The following CNTN4 variants were observed in gnomAD, a reference collection of about 807,000 sequenced individuals.
The protein encoded by CNTN4 is contactin-4.
In CNTN4, 77 loss-of-function variants were observed where a neutral mutation model predicts 122.5. The observed-to-expected ratio is 0.63, with a 90% CI of 0.52 to 0.76. CNTN4 has a LOEUF of 0.76. Among genes scored for constraint, CNTN4 ranks in the 30% least tolerant of loss-of-function variants. CNTN4 has a pLI of 0.00. For missense variants in CNTN4, 1,256 were observed against 1,259.1 expected (o/e 1.00, Z 0.04); for synonymous variants, 512 against 447.0 (o/e 1.15, Z -1.83).
intron 4 of CNTN4, among the ~76,000 whole-genome samples, chr3:2,647,345 C>T (rs1042815669): frequency 6.6e-6 from 1 of 152,034 alleles, no homozygotes; most frequent in Non-Finnish European, 1.5e-5. Context: ...TACACCATTG[C>T]ACTCCAGCCT....
intron 3 of CNTN4, among the ~76,000 whole-genome samples, chr3:2,392,040 G>C (rs1164625837): frequency 2.0e-5 from 3 of 152,096 alleles, no homozygotes; most frequent in Admixed American, 2.0e-4. Context: ...GATTAGAACT[G>C]AACCATCTCC....
In CNTN4 at chr3:2,276,361, A is replaced by G. The variant is rs549466430; in HGVS notation, c.-144-62817A>G. On this transcript the variant is annotated intron_variant, in intron 2 of 24. Coordinates refer to ENST00000418658, the MANE Select transcript of CNTN4 (RefSeq NM_175607.3). Reference sequence around the variant, plus strand: ...CTATTTTTTTGTATTTTTAGCAGAGAGAGGGTTTCACCACGTTGGCCAGGC... The same window carrying G: ...CTATTTTTTTGTATTTTTAGCAGAGGGAGGGTTTCACCACGTTGGCCAGGC... Among the ~76,000 whole-genome samples the G allele has an allele frequency of 2.0e-5, 3 of 152,074 alleles. No individual in the cohort carries two copies. The East Asian group carries it at 5.9e-4, about 30-fold the overall frequency.
intron 4 of CNTN4, among the ~76,000 whole-genome samples, chr3:2,685,323 T>C (rs746580362): frequency 4.4e-4 from 67 of 152,270 alleles, no homozygotes; most frequent in Non-Finnish European, 8.1e-4. Context: ...CACTTTCTAT[T>C]ACCTTCAATT....
intron 4 of CNTN4, among the ~76,000 whole-genome samples, chr3:2,577,497 G>C (rs1249611761): frequency 6.6e-6 from 1 of 152,170 alleles, no homozygotes; most frequent in East Asian, 1.9e-4. Context: ...TGTTGAGCAA[G>C]TCATTGTACC....
At chr3:2,659,158 A>G (rs936366150) in intron 4 of CNTN4, among the ~76,000 whole-genome samples, 7 of 152,110 alleles carry the variant, frequency 4.6e-5, no homozygotes, top group African/African-American at 1.7e-4. Flanking sequence ...AAATTCAGTA[A>G]GAACCTTCTT....
rs541905077 is a variant in CNTN4, at chr3:2,995,729, C to T, written c.1486+7257C>T. Among the ~76,000 whole-genome samples, 5 of 152,144 alleles carry T rather than the reference C, an allele frequency of 3.3e-5. 1 individual carries two copies. In the South Asian group the frequency reaches 1.0e-3, roughly 31 times the overall value. On this transcript the variant is annotated intron_variant, in intron 14 of 24. Transcript: ENST00000418658. Reference sequence around the variant, plus strand: ...ACATATGAGACTGGCAAAAGAGAAACATCTAACAGTACCTTTTGTTGGTGA... The same window carrying T: ...ACATATGAGACTGGCAAAAGAGAAATATCTAACAGTACCTTTTGTTGGTGA...
At chr3:2,634,690 AT>A (rs2082585367) in intron 4 of CNTN4, among the ~76,000 whole-genome samples, 1 of 79,272 alleles carries the variant, frequency 1.3e-5, no homozygotes, top group African/African-American at 4.5e-5. Flanking sequence ...AAAAAAAAAT[AT>A]ATATATATAT....
chr3:2,924,157 C>T (rs778350061), intron 12 of CNTN4, among the ~76,000 whole-genome samples: 5 of 152,080 alleles, frequency 3.3e-5, no homozygotes, highest in Non-Finnish European at 1.5e-5. Context: ...AAAGTGACCT[C>T]TCCATCTTTA....
At chr3:2,804,360 C>A (rs751194572) in intron 6 of CNTN4, among the ~76,000 whole-genome samples, 6 of 152,076 alleles carry the variant, frequency 3.9e-5, no homozygotes, top group Non-Finnish European at 5.9e-5. Context: ...AGCAAGACAG[C>A]CTGGGTTAGT....
chr3:2,789,483 A>G (rs926770853), intron 6 of CNTN4, among the ~76,000 whole-genome samples: 1 of 152,196 alleles, frequency 6.6e-6, no homozygotes, highest in East Asian at 1.9e-4. Context: ...CCCAGGCTGG[A>G]GTGCAGTGGC....
intron 3 of CNTN4, among the ~76,000 whole-genome samples, chr3:2,446,940 A>G (rs2048646672): frequency 6.6e-6 from 1 of 152,156 alleles, no homozygotes; most frequent in Non-Finnish European, 1.5e-5. Flanking sequence ...ATACTAGTAA[A>G]CTGGGGTAGA....
Position 3,040,114 on chromosome 3 carries a change from G to A in CNTN4, c.2241G>A (p.Trp747Ter). The A allele has an allele frequency of 6.2e-7, 1 of 1,614,188 alleles. No homozygotes were observed. Among genetic ancestry groups the A allele is most frequent in the South Asian group, 1.1e-5 (1 of 91,080 alleles). The change falls in exon 20 of 25, where the codon TGG becomes TGA. Residue 747 changes from tryptophan to a stop codon, truncating the protein, a stop_gained. Transcript: ENST00000418658. LOFTEE classifies it high-confidence loss of function. ...VAFRPYGKMI[W>*]MLTVLASADA... ...TCCGGCCCTACGGTAAAATGATCTGGATGCTGACAGTGCTGGCCTCAGCTG... is the reference window on the plus strand; with the variant it reads ...TCCGGCCCTACGGTAAAATGATCTGAATGCTGACAGTGCTGGCCTCAGCTG...
At chr3:2,552,931 G>C (rs2078572698) in intron 3 of CNTN4, among the ~76,000 whole-genome samples, 1 of 152,132 alleles carries the variant, frequency 6.6e-6, no homozygotes, top group Admixed American at 6.6e-5. Context: ...CCGGAGACTA[G>C]AGTTTCTGTT....
chr3:2,880,021 C>T (rs2093888886), intron 8 of CNTN4, among the ~76,000 whole-genome samples: 1 of 152,070 alleles, frequency 6.6e-6, no homozygotes, highest in African/African-American at 2.4e-5. Context: ...AGAAAATGTT[C>T]AGTTTGGGCC....
chr3:2,143,901 A>G (rs1410969127), intron 2 of CNTN4, among the ~76,000 whole-genome samples: 7 of 152,210 alleles, frequency 4.6e-5, no homozygotes, highest in Non-Finnish European at 7.3e-5. Context: ...GTTTGGTGAA[A>G]TTGATTTACC....
At chr3:2,169,609 G>C (rs1359585936) in intron 2 of CNTN4, among the ~76,000 whole-genome samples, 1 of 151,970 alleles carries the variant, frequency 6.6e-6, no homozygotes, top group Non-Finnish European at 1.5e-5. Context: ...CTGCTAGCCA[G>C]GATGGTCTCG....
chr3:2,569,702 A>G (rs2079335128), intron 3 of CNTN4, among the ~76,000 whole-genome samples: 1 of 152,104 alleles, frequency 6.6e-6, no homozygotes, highest in South Asian at 2.1e-4. Flanking sequence ...ACCTAGGACC[A>G]CATAACAAGT....
intron 6 of CNTN4, among the ~76,000 whole-genome samples, chr3:2,792,956 G>T (rs1303602268): frequency 6.6e-6 from 1 of 152,106 alleles, no homozygotes; most frequent in Non-Finnish European, 1.5e-5. Context: ...TAAAAGATAG[G>T]GACATCTCTG....
chr3:2,880,182 A>C (rs946358490), intron 8 of CNTN4, among the ~76,000 whole-genome samples: 2 of 152,230 alleles, frequency 1.3e-5, no homozygotes, highest in African/African-American at 4.8e-5. Flanking sequence ...AGATTAAATA[A>C]ACACAATTTT....
Sources: gnomAD v4.1 joint callset for allele counts (sites outside exome capture counted in the v4.1 genomes callset) on GRCh38, gnomAD v4.1.1 for gene constraint, MANE v1.5 for transcripts, NCBI Gene and HGNC (gene_info 2026-07-23, HGNC 2026-07-21) for gene names.